The following HSD17B3 variants were observed in gnomAD, a reference collection of about 807,000 sequenced individuals.
The protein encoded by HSD17B3 is hydroxysteroid 17-beta dehydrogenase 3.
HSD17B3 carries 29 observed loss-of-function variants against 41.1 expected under a neutral mutation model. The observed-to-expected ratio is 0.71, with a 90% confidence interval of 0.53 to 0.96. The LOEUF is 0.96. Among genes scored for constraint, HSD17B3 ranks in the 40% least tolerant of loss-of-function variants. The pLI, the probability that HSD17B3 is intolerant of heterozygous loss-of-function variation, is 0.00. For missense variants in HSD17B3, 323 were observed against 374.6 expected (o/e 0.86, Z 1.14); for synonymous variants, 126 against 145.6 (o/e 0.87, Z 0.97).
intron 2 of HSD17B3, among the ~76,000 whole-genome samples, chr9:96,293,085 G>A (rs1465399165): frequency 6.6e-6 from 1 of 152,168 alleles, no homozygotes; most frequent in Non-Finnish European, 1.5e-5. Context: ...GGAATCTTGG[G>A]ACATTGGGAA....
chr9:96,291,929 C>T (rs1290269701), intron 2 of HSD17B3, among the ~76,000 whole-genome samples: 1 of 151,752 alleles, frequency 6.6e-6, no homozygotes, highest in Non-Finnish European at 1.5e-5. Flanking sequence ...TGCACTCCAG[C>T]CTAGGTGACA....
At chr9:96,295,140 G>A (rs1827300601) in intron 2 of HSD17B3, among the ~76,000 whole-genome samples, 1 of 150,994 alleles carries the variant, frequency 6.6e-6, no homozygotes, top group Non-Finnish European at 1.5e-5. Context: ...CTGAGTAGCT[G>A]GGATTACAGG....
At chr9:96,276,464 GA>G (rs1436345195) in intron 2 of HSD17B3, among the ~76,000 whole-genome samples, 8 of 152,072 alleles carry the variant, frequency 5.3e-5, no homozygotes, top group African/African-American at 1.9e-4. Context: ...TGAGCAAGAA[GA>G]ACAAAGTGGG....
chr9:96,254,928 G>A lies in HSD17B3; in HGVS notation c.217C>T (p.Leu73Phe), dbSNP rs370158010. ...GTCCGGCTAATAAGGACAACATTGA[G>A]TCCACGTTTTGCTAGCTGAGAGTGG... Reference protein sequence around the residue: ...AYSFELAKRGLNVVLISRTLE... With the variant: ...AYSFELAKRGFNVVLISRTLE... The change falls in exon 3 of 11, where the codon CTC becomes TTC. Residue 73 changes from leucine to phenylalanine, a missense_variant. Transcript: ENST00000375263. 3 of 1,613,834 alleles carry A rather than the reference G, an allele frequency of 1.9e-6. No individual in the cohort carries two copies. Among genetic ancestry groups the A allele is most frequent in the South Asian group, 1.1e-5 (1 of 91,004 alleles).
intron 9 of HSD17B3, among the ~76,000 whole-genome samples, chr9:96,241,730 T>C (rs1047209882): frequency 2.0e-5 from 3 of 151,540 alleles, no homozygotes; most frequent in East Asian, 1.9e-4. Flanking sequence ...AGCCCAGGAG[T>C]GCGAGACCAG....
intron 2 of HSD17B3, among the ~76,000 whole-genome samples, chr9:96,270,198 T>C (rs944963999): frequency 1.3e-5 from 2 of 151,896 alleles, no homozygotes; most frequent in Non-Finnish European, 2.9e-5. Flanking sequence ...TTTGTAACCA[T>C]ATCTATGCAT....
chr9:96,298,669 G>T (rs897187795), intron 1 of HSD17B3, among the ~76,000 whole-genome samples: 3 of 151,662 alleles, frequency 2.0e-5, no homozygotes, highest in South Asian at 2.1e-4. Context: ...TGGTTGGTTG[G>T]TTGGTTTGTT....
intron 2 of HSD17B3, among the ~76,000 whole-genome samples, chr9:96,264,435 A>T (rs2130749989): frequency 6.6e-6 from 1 of 152,320 alleles, no homozygotes; most frequent in East Asian, 1.9e-4. Flanking sequence ...GAGGAAGAAA[A>T]AAAAAGTGGG....
chr9:96,295,002 C>CTTT (rs10541572), intron 2 of HSD17B3, among the ~76,000 whole-genome samples: 1 of 66,172 alleles, frequency 1.5e-5, no homozygotes, highest in Non-Finnish European at 2.8e-5. Flanking sequence ...ACACGAGGAG[C>CTTT]TTTTTTTTTT....
At chr9:96,263,490 G>A (rs1825936098) in intron 2 of HSD17B3, among the ~76,000 whole-genome samples, 2 of 151,992 alleles carry the variant, frequency 1.3e-5, no homozygotes, top group Admixed American at 1.3e-4. Context: ...GGCCGAAGCG[G>A]GTGGATCACG....
At chr9:96,238,768 C>T (rs1365368002) in intron 10 of HSD17B3, among the ~76,000 whole-genome samples, 1 of 152,112 alleles carries the variant, frequency 6.6e-6, no homozygotes, top group Non-Finnish European at 1.5e-5. Flanking sequence ...TGAGCTCTGG[C>T]CTAGGCTGGG....
At chr9:96,287,442 G>A (rs1826967388) in intron 2 of HSD17B3, among the ~76,000 whole-genome samples, 1 of 152,212 alleles carries the variant, frequency 6.6e-6, no homozygotes, top group Non-Finnish European at 1.5e-5. Flanking sequence ...CGGGCGTGGT[G>A]GCTCACGCCT....
intron 2 of HSD17B3, among the ~76,000 whole-genome samples, chr9:96,255,885 A>G (rs753467432): frequency 3.9e-5 from 6 of 152,252 alleles, no homozygotes; most frequent in African/African-American, 1.2e-4. Context: ...TGGACTCCAG[A>G]GGGCTGCGTG....
intron 2 of HSD17B3, among the ~76,000 whole-genome samples, chr9:96,290,040 GA>G (rs1418881997): frequency 6.6e-6 from 1 of 152,084 alleles, no homozygotes; most frequent in East Asian, 1.9e-4. Flanking sequence ...GTGTGGCCAA[GA>G]ATAAAAGAAA....
At chr9:96,248,703 G>C (rs1053054334) in intron 6 of HSD17B3, among the ~76,000 whole-genome samples, 1 of 152,136 alleles carries the variant, frequency 6.6e-6, no homozygotes, top group Non-Finnish European at 1.5e-5. Flanking sequence ...CAGAGGAAGG[G>C]GGAACACGTC....
At chr9:96,290,155 C>T (rs1174249078) in intron 2 of HSD17B3, among the ~76,000 whole-genome samples, 1 of 152,120 alleles carries the variant, frequency 6.6e-6, no homozygotes, top group African/African-American at 2.4e-5. Context: ...CCTCCCTCCA[C>T]CCCAGGCCCA....
At chr9:96,278,924 C>A (rs1826579279) in intron 2 of HSD17B3, among the ~76,000 whole-genome samples, 1 of 152,120 alleles carries the variant, frequency 6.6e-6, no homozygotes, top group Non-Finnish European at 1.5e-5. Context: ...TCAGTGGAGC[C>A]CCAGCTCTCT....
chr9:96,277,866 C>CACACAG (rs1826531661), intron 2 of HSD17B3, among the ~76,000 whole-genome samples: 1 of 138,430 alleles, frequency 7.2e-6, no homozygotes, highest in East Asian at 2.1e-4. Flanking sequence ...CACACACACA[C>CACACAG]ACACAATGGA....
At chr9:96,270,580 G>T (rs1826203416) in intron 2 of HSD17B3, among the ~76,000 whole-genome samples, 1 of 152,250 alleles carries the variant, frequency 6.6e-6, no homozygotes, top group African/African-American at 2.4e-5. Context: ...CAAAAATAGG[G>T]CAAGGCAGTT....
Sources: gnomAD v4.1 joint callset for allele counts (sites outside exome capture counted in the v4.1 genomes callset) on GRCh38, gnomAD v4.1.1 for gene constraint, MANE v1.5 for transcripts, NCBI Gene and HGNC (gene_info 2026-07-23, HGNC 2026-07-21) for gene names.